The following DCLK2 variants were observed in gnomAD, a reference collection of about 807,000 sequenced individuals.
DCLK2 encodes serine/threonine-protein kinase DCLK2.
A neutral mutation model predicts 78.4 loss-of-function variants in DCLK2; 31 were observed. The ratio of observed to expected loss-of-function variants is 0.40; its 90% confidence interval spans 0.30 to 0.53. DCLK2 has a LOEUF of 0.53. DCLK2 is among the 20% of genes least tolerant of loss of function. The pLI is 0.61. For synonymous variants in DCLK2, 407 were observed against 374.9 expected (o/e 1.09, Z -0.99); for missense variants, 872 against 973.7 (o/e 0.90, Z 1.39).
At chr4:150,099,419 T>A (rs1730706699) in intron 1 of DCLK2, among the ~76,000 whole-genome samples, 1 of 152,222 alleles carries the variant, frequency 6.6e-6, no homozygotes, top group African/African-American at 2.4e-5. Flanking sequence ...TTAAGTTCTT[T>A]TGTCAGCATA....
At chr4:150,221,930 T>C in intron 7 of DCLK2, 145 bp downstream of exon 7, 1 of 479,198 alleles carries the variant, frequency 2.1e-6, no homozygotes, top group Non-Finnish European at 3.7e-6. Context: ...TCCCTGAGTC[T>C]GCCCTTGGGA....
At chr4:150,094,599 G>A (rs1188266288) in intron 1 of DCLK2, among the ~76,000 whole-genome samples, 1 of 152,154 alleles carries the variant, frequency 6.6e-6, no homozygotes, top group Non-Finnish European at 1.5e-5. Flanking sequence ...GGCCCTTCAG[G>A]AGCCTGACCC....
intron 2 of DCLK2, among the ~76,000 whole-genome samples, chr4:150,167,050 C>T (rs141022393): frequency 2.0e-5 from 3 of 152,034 alleles, no homozygotes; most frequent in East Asian, 1.9e-4. Context: ...GGGGTGGGGT[C>T]GAGGTAATTC....
At chr4:150,160,176 C>T (rs1252257903) in intron 2 of DCLK2, among the ~76,000 whole-genome samples, 1 of 151,980 alleles carries the variant, frequency 6.6e-6, no homozygotes, top group Non-Finnish European at 1.5e-5. Flanking sequence ...CTACCACATG[C>T]CTGGCTAACT....
chr4:150,175,011 AATATAT>A (rs1327523541), intron 2 of DCLK2, among the ~76,000 whole-genome samples: 1 of 9,974 alleles, frequency 1.0e-4, no homozygotes, highest in African/African-American at 2.6e-4. Flanking sequence ...AAAAAAAAAA[AATATAT>A]ATATATATAT....
chr4:150,220,529 G>A (rs1237792778), intron 5 of DCLK2, among the ~76,000 whole-genome samples, 174 bp from the exon 6 acceptor site: 1 of 152,208 alleles, frequency 6.6e-6, no homozygotes, highest in African/African-American at 2.4e-5. Flanking sequence ...ATCTAAGGAA[G>A]AAATGCACTG....
At chr4:150,190,143 C>T (rs1738301833) in intron 2 of DCLK2, among the ~76,000 whole-genome samples, 1 of 149,894 alleles carries the variant, frequency 6.7e-6, no homozygotes, top group Admixed American at 6.7e-5. Context: ...TGTGGCTGCA[C>T]AGTGAGCCGT....
At chr4:150,161,798 G>C (rs1166443480) in intron 2 of DCLK2, among the ~76,000 whole-genome samples, 1 of 152,188 alleles carries the variant, frequency 6.6e-6, no homozygotes, top group East Asian at 1.9e-4. Context: ...GGGCTGAATT[G>C]TCCAGGGAAC....
At chr4:150,113,000 A>G (rs981098727) in intron 2 of DCLK2, among the ~76,000 whole-genome samples, 3 of 151,830 alleles carry the variant, frequency 2.0e-5, no homozygotes, top group Non-Finnish European at 4.4e-5. Flanking sequence ...TAGTAGAGAC[A>G]GAGTTTTGTC....
At chr4:150,229,784 A>T (rs1259624365) in intron 8 of DCLK2, among the ~76,000 whole-genome samples, 1 of 152,174 alleles carries the variant, frequency 6.6e-6, no homozygotes, top group East Asian at 1.9e-4. Context: ...AATTATTTGG[A>T]GTTAGAATCA....
intron 15 of DCLK2, 92 bp from the exon 16 acceptor site, chr4:150,255,928 C>T (rs1437101252): frequency 1.3e-6 from 2 of 1,501,200 alleles, no homozygotes; most frequent in East Asian, 4.9e-5. Flanking sequence ...GTTTCTGAGG[C>T]CCGTGCATGC....
intron 3 of DCLK2, among the ~76,000 whole-genome samples, chr4:150,194,797 T>C (rs1425009306): frequency 6.6e-6 from 1 of 152,054 alleles, no homozygotes; most frequent in Non-Finnish European, 1.5e-5. Context: ...AGTCCAGGAT[T>C]AGAGAACTGT....
intron 2 of DCLK2, among the ~76,000 whole-genome samples, chr4:150,169,481 A>C (rs1456114503): frequency 6.6e-6 from 1 of 152,134 alleles, no homozygotes; most frequent in Non-Finnish European, 1.5e-5. Flanking sequence ...CAACATGGTG[A>C]AACCCCTTCT....
chr4:150,240,359 G>T, intron 11 of DCLK2, 40 bp from the exon 12 acceptor site: 1 of 1,581,144 alleles, frequency 6.3e-7, no homozygotes, highest in Non-Finnish European at 8.7e-7. Context: ...GGTCTTGGGA[G>T]CCATCAGTTC....
At position 150,256,156 on chromosome 4, in the gene DCLK2, C is replaced by T; in HGVS notation, c.2210C>T (p.Ala737Val). 1 of 1,293,502 alleles carries T rather than the reference C, an allele frequency of 7.7e-7. No homozygotes were observed. The highest frequency in any genetic ancestry group is 2.3e-4 in the Middle Eastern group (1 of 4,278). 80.1% of individuals were successfully genotyped at this position (1,293,502 alleles called of 1,614,324 possible). ...EIPVPGEAVP[A>V]PTPPESPTPH... is the part of the protein sequence containing the mutation. ...CCTGTGCCTGGGGAAGCAGTCCCGG[C>T]CCCCACCCCTCCGGAATCTCCCACC... The change falls in exon 16 of 16, where the codon GCC becomes GTC. Residue 737 changes from alanine to valine, a missense_variant. This residue lies in a region of DCLK2 where 219 missense variants were observed against 230.1 expected (regional missense o/e 0.95). Coordinates refer to ENST00000296550, the MANE Select transcript of DCLK2 (RefSeq NM_001040260.4).
At chr4:150,189,895 A>C (rs768388150) in intron 2 of DCLK2, among the ~76,000 whole-genome samples, 6 of 151,838 alleles carry the variant, frequency 4.0e-5, no homozygotes, top group Non-Finnish European at 7.4e-5. Context: ...AGGTCAGGAC[A>C]CTAAAGGGTG....
intron 5 of DCLK2, among the ~76,000 whole-genome samples, chr4:150,211,602 C>T (rs1740324407): frequency 6.6e-6 from 1 of 152,190 alleles, no homozygotes; most frequent in African/African-American, 2.4e-5. Context: ...TTCCAACCTT[C>T]CTGTCCATCC....
At chr4:150,234,369 A>G (rs1742317983) in intron 10 of DCLK2, among the ~76,000 whole-genome samples, 1 of 152,120 alleles carries the variant, frequency 6.6e-6, no homozygotes, top group Admixed American at 6.5e-5. Flanking sequence ...GTGTCTAATT[A>G]TCTTTATATC....
chr4:150,202,812 A>G (rs961041086), intron 4 of DCLK2, among the ~76,000 whole-genome samples: 1 of 152,140 alleles, frequency 6.6e-6, no homozygotes, highest in African/African-American at 2.4e-5. Flanking sequence ...GAGGAGAAAA[A>G]CATATATCAA....
Sources: gnomAD v4.1 joint callset for allele counts (sites outside exome capture counted in the v4.1 genomes callset) on GRCh38, gnomAD v4.1.1 for gene constraint, gnomAD v4.1.1 regional missense constraint, MANE v1.5 for transcripts, NCBI Gene and HGNC (gene_info 2026-07-23, HGNC 2026-07-21) for gene names.